The following PKDCC variants were observed in gnomAD, a reference collection of about 807,000 sequenced individuals.
The protein encoded by PKDCC is extracellular tyrosine-protein kinase PKDCC.
Under a neutral mutation model 44.7 loss-of-function variants are expected in PKDCC, and 35 were observed. That is an observed-to-expected ratio of 0.78 (90% CI 0.60 to 1.04). The LOEUF (loss-of-function observed/expected upper bound fraction) is 1.04. Among genes scored for constraint, PKDCC ranks in the 50% least tolerant of loss-of-function variants. PKDCC has a pLI of 0.00. For missense variants in PKDCC, 738 were observed against 672.7 expected (o/e 1.10, Z -1.07); for synonymous variants, 353 against 303.3 (o/e 1.16, Z -1.70).
In PKDCC at chr2:42,048,664, C is replaced by T. The variant is rs761050306; in HGVS notation, c.465C>T (p.Val155=). The change falls in exon 1 of 7, where the codon GTC becomes GTT. Residue 155 remains valine, a synonymous_variant. Coordinates refer to ENST00000294964, the MANE Select transcript of PKDCC (RefSeq NM_138370.3). This position sits in a 1 kb window ranked among gnomAD's most constrained non-coding sequence, Gnocchi z 6.2. The part of the protein sequence containing the change: ...GSGYTKAVYR[V]RLPGGAAVAL... The stretch of plus-strand genomic sequence containing the variant: ...GCTACACCAAGGCCGTGTACCGGGT[C>T]CGCCTGCCCGGCGGTGCCGCGGTGG... 1.7e-5 allele frequency: 27 copies of T among 1,546,202 alleles called. No individual in the cohort carries two copies. Among genetic ancestry groups the T allele is most frequent in the South Asian group, 1.2e-4 (10 of 84,012 alleles).
In PKDCC at chr2:42,048,466, C is replaced by A. The variant is rs1390528717; in HGVS notation, c.267C>A (p.Asp89Glu). 2 of 1,067,080 alleles carry A rather than the reference C, an allele frequency of 1.9e-6. No homozygotes were observed. The highest frequency in any genetic ancestry group is 2.3e-6 in the Non-Finnish European group (2 of 885,524). 66.1% of individuals were successfully genotyped at this position (1,067,080 alleles called of 1,614,324 possible). Residue 89 changes from aspartate (D) to glutamate (E), a missense_variant, in exon 1 of 7, where the codon GAC (aspartate) becomes GAA (glutamate). Asp to Glu is a conservative substitution (Grantham distance 45). Transcript: ENST00000294964. The surrounding 1 kb of genome is among the most constrained non-coding windows in gnomAD (Gnocchi z 6.2). ...GGCCGGAGCGGCGGCGCCTGATGGACCTGGCTCCGGGCGGGCCCGGCCTGC... is the reference window on the plus strand; with the variant it reads ...GGCCGGAGCGGCGGCGCCTGATGGAACTGGCTCCGGGCGGGCCCGGCCTGC... The part of the protein sequence containing the change: ...AGRPERRRLM[D>E]LAPGGPGLPR...
Position 42,052,432 on chromosome 2 carries a change from A to G in PKDCC, c.640-807A>G, listed in dbSNP as rs367628041. On this transcript the variant is annotated intron_variant, in intron 1 of 6. Transcript: ENST00000294964. This position sits in a 1 kb window ranked among gnomAD's most constrained non-coding sequence, Gnocchi z 4.3. ...TGTCCAACCGTATGCTCGCTTGTGTATTACCAAACAGCATTCTTAGAAAAA... is the reference window on the plus strand; with the variant it reads ...TGTCCAACCGTATGCTCGCTTGTGTGTTACCAAACAGCATTCTTAGAAAAA... Among the ~76,000 whole-genome samples, 36 of 152,290 alleles carry G rather than the reference A, an allele frequency of 2.4e-4. No homozygotes were observed. The highest frequency in any genetic ancestry group is 7.9e-4 in the African/African-American group (33 of 41,536).
rs539128716 is a variant in PKDCC, at chr2:42,051,973, C to T, written c.640-1266C>T. Among the ~76,000 whole-genome samples the T allele has an allele frequency of 1.3e-5, 2 of 152,120 alleles. No homozygotes were observed. The highest frequency in any genetic ancestry group is 4.1e-4 in the South Asian group (2 of 4,824). On this transcript the variant is annotated intron_variant, in intron 1 of 6. Coordinates refer to ENST00000294964, the MANE Select transcript of PKDCC (RefSeq NM_138370.3). This position sits in a 1 kb window ranked among gnomAD's most constrained non-coding sequence, Gnocchi z 4.2. ...CAACTCAGCCTTCGTGTTTCTACCC[C>T]ACAGGGTGCTGGTTGTTTTGAGCAC... is the stretch of plus-strand genomic sequence containing the variant.
intron 5 of PKDCC, among the ~76,000 whole-genome samples, chr2:42,056,154 C>T (rs1345807288): frequency 6.6e-6 from 1 of 151,714 alleles, no homozygotes; most frequent in Non-Finnish European, 1.5e-5. Context: ...AAATCACAGT[C>T]AGCCCTGGAC....
At chr2:42,053,424 C>G in intron 2 of PKDCC, 63 bp downstream of exon 2, 1 of 1,538,794 alleles carries the variant, frequency 6.5e-7, no homozygotes, top group Non-Finnish European at 8.7e-7. Context: ...CTTAGAAGGC[C>G]AGCCCTCCAA....
At chr2:42,057,470 C>T (rs1668076511) in intron 6 of PKDCC, 76 bp downstream of exon 6, 4 of 1,586,244 alleles carry the variant, frequency 2.5e-6, no homozygotes, top group Non-Finnish European at 2.6e-6. Flanking sequence ...GATCCCCCAT[C>T]GGAAGTCAGA....
In PKDCC at chr2:42,048,725, G is replaced by A; in HGVS notation, c.526G>A (p.Gly176Ser). The change falls in exon 1 of 7, where the codon GGC becomes AGC. Residue 176 changes from glycine (G) to serine (S), a missense_variant. By Grantham distance (56) the Gly-to-Ser change is moderately conservative. Coordinates refer to ENST00000294964, the MANE Select transcript of PKDCC (RefSeq NM_138370.3). The surrounding 1 kb of genome is among the most constrained non-coding windows in gnomAD (Gnocchi z 6.2). The part of the protein sequence containing the change: ...KAVDFSGHDL[G>S]SCVREFGVRR... The stretch of plus-strand genomic sequence containing the variant: ...GGTGGACTTTAGCGGCCACGATCTG[G>A]GCAGCTGCGTGCGCGAGTTCGGGGT... The A allele has an allele frequency of 4.5e-6, 7 of 1,564,986 alleles. No homozygotes were observed. Among genetic ancestry groups the A allele is most frequent in the Non-Finnish European group, 6.1e-6 (7 of 1,155,828 alleles).
chr2:42,054,754 G>T lies in PKDCC; in HGVS notation c.1035-187G>T. On this transcript the variant is annotated intron_variant, in intron 3 of 6. Coordinates refer to ENST00000294964, the MANE Select transcript of PKDCC (RefSeq NM_138370.3). The surrounding 1 kb of genome is among the most constrained non-coding windows in gnomAD (Gnocchi z 6.1). ...CTGGTTTCGGTTAGTATGAAGTTAG[G>T]TGTGGTGTTAGCATGTGCCCAGAAC... 1.5e-6 allele frequency: 1 copy of T among 670,496 alleles called. No individual in the cohort carries two copies. Among genetic ancestry groups the T allele is most frequent in the Non-Finnish European group, 2.7e-6 (1 of 372,074 alleles). 41.5% of individuals were successfully genotyped at this position (670,496 alleles called of 1,614,324 possible). A position where few individuals can be genotyped will look rare whatever the true frequency, so the allele number is the denominator to read the frequency against.
rs1219561448 is a variant in PKDCC, at chr2:42,051,893, C to T, written c.640-1346C>T. ...ATGATGGTATGAGGGTGACAGTGCA[C>T]AGGGATATCCACCCCTCCACCGCAT... On this transcript the variant is annotated intron_variant, in intron 1 of 6. Transcript: ENST00000294964. This position sits in a 1 kb window ranked among gnomAD's most constrained non-coding sequence, Gnocchi z 4.2. Among the ~76,000 whole-genome samples, 1 of 152,074 alleles carries T rather than the reference C, an allele frequency of 6.6e-6. No homozygotes were observed. Among genetic ancestry groups the T allele is most frequent in the Non-Finnish European group, 1.5e-5 (1 of 67,998 alleles).
chr2:42,053,118 C>G (rs555697066), intron 1 of PKDCC, 121 bp from the exon 2 acceptor site: 1 of 1,174,622 alleles, frequency 8.5e-7, no homozygotes, highest in Admixed American at 2.4e-5. Flanking sequence ...CTCTTCTGGC[C>G]TGAGCTGAAG....
Position 42,054,673 on chromosome 2 carries a change from G to A in PKDCC, c.1035-268G>A, listed in dbSNP as rs1301534945. Reference sequence around the variant, plus strand: ...GCTCCGACACCGGGAGTCAGTCAGGGGATAATGTGGGGCTGGGAGGTGGGC... The same window carrying A: ...GCTCCGACACCGGGAGTCAGTCAGGAGATAATGTGGGGCTGGGAGGTGGGC... On this transcript the variant is annotated intron_variant, in intron 3 of 6. Coordinates refer to ENST00000294964, the MANE Select transcript of PKDCC (RefSeq NM_138370.3). This position sits in a 1 kb window ranked among gnomAD's most constrained non-coding sequence, Gnocchi z 6.1. The A allele has an allele frequency of 1.8e-6, 1 of 566,262 alleles. No individual in the cohort carries two copies. The highest frequency in any genetic ancestry group is 1.9e-5 in the African/African-American group (1 of 53,302). The allele number at this position is 566,262 out of a possible 1,614,324, so 35.1% of individuals were successfully genotyped here.
rs1667962949 is a variant in PKDCC at position 42,051,283 on chromosome 2, T to C, written c.640-1956T>C. Among the ~76,000 whole-genome samples the C allele has an allele frequency of 1.4e-5, 2 of 148,014 alleles. No individual in the cohort carries two copies. The highest frequency in any genetic ancestry group is 5.0e-5 in the African/African-American group (2 of 40,256). Reference sequence around the variant, plus strand: ...ACTCCCTCACGTGACTTGACTCCTCTATAGCCCAGGGCCAAAGGGCACAAG... The same window carrying C: ...ACTCCCTCACGTGACTTGACTCCTCCATAGCCCAGGGCCAAAGGGCACAAG... On this transcript the variant is annotated intron_variant, in intron 1 of 6. Coordinates refer to ENST00000294964, the MANE Select transcript of PKDCC (RefSeq NM_138370.3). The surrounding 1 kb of genome is among the most constrained non-coding windows in gnomAD (Gnocchi z 4.2).
Position 42,048,918 on chromosome 2 carries a change from C to T in PKDCC, c.639+80C>T, listed in dbSNP as rs1434588480. ...TGTCAACCTGGCTGGAAGAGAACCC[C>T]TTGATCTGGAGTGCCAGTGACTGCA... On this transcript the variant is annotated intron_variant, in intron 1 of 6. Transcript: ENST00000294964. This position sits in a 1 kb window ranked among gnomAD's most constrained non-coding sequence, Gnocchi z 6.2. 1 of 1,351,852 alleles carries T rather than the reference C, an allele frequency of 7.4e-7. No homozygotes were observed. Among genetic ancestry groups the T allele is most frequent in the Non-Finnish European group, 9.5e-7 (1 of 1,047,620 alleles). The allele number at this position is 1,351,852 out of a possible 1,614,324, so 83.7% of individuals were successfully genotyped here. A position where few individuals can be genotyped will look rare whatever the true frequency, so the allele number is the denominator to read the frequency against.
Position 42,053,314 on chromosome 2 carries a change from G to C in PKDCC, c.715G>C (p.Val239Leu), listed in dbSNP as rs776496646. 50 of 1,613,716 alleles carry C rather than the reference G, an allele frequency of 3.1e-5. No homozygotes were observed. Among genetic ancestry groups the C allele is most frequent in the Non-Finnish European group, 4.2e-5 (49 of 1,179,912 alleles). ...LTTITELGAPVEMIQLLQTSW... is the reference protein window; with the variant it reads ...LTTITELGAPLEMIQLLQTSW... ...CACCATCACGGAGCTGGGCGCCCCTGTAGAAATGATCCAGCTGCTGCAAAC... is the reference window on the plus strand; with the variant it reads ...CACCATCACGGAGCTGGGCGCCCCTCTAGAAATGATCCAGCTGCTGCAAAC... The change falls in exon 2 of 7, where the codon GTA becomes CTA. Residue 239 changes from valine (V) to leucine (L), a missense_variant. Physicochemically the swap from Val to Leu is conservative, Grantham distance 32 (BLOSUM62 1). Transcript: ENST00000294964.
At chr2:42,056,618 G>T (rs1338775754) in intron 5 of PKDCC, among the ~76,000 whole-genome samples, 3 of 152,068 alleles carry the variant, frequency 2.0e-5, no homozygotes, top group African/African-American at 7.2e-5. Flanking sequence ...TCTTCATTTG[G>T]TTGGGCATGG....
In PKDCC at chr2:42,051,059, C is replaced by T. The variant is rs1452597781; in HGVS notation, c.640-2180C>T. Among the ~76,000 whole-genome samples, 1 of 152,072 alleles carries T rather than the reference C, an allele frequency of 6.6e-6. No homozygotes were observed. Among genetic ancestry groups the T allele is most frequent in the Non-Finnish European group, 1.5e-5 (1 of 67,994 alleles). Reference sequence around the variant, plus strand: ...GAGTTAGAGAACATTTCTAGAGTTCCTAGTGGTGCAGGCTCACCACCCTCC... The same window carrying T: ...GAGTTAGAGAACATTTCTAGAGTTCTTAGTGGTGCAGGCTCACCACCCTCC... On this transcript the variant is annotated intron_variant, in intron 1 of 6. Coordinates refer to ENST00000294964, the MANE Select transcript of PKDCC (RefSeq NM_138370.3). The surrounding 1 kb of genome is among the most constrained non-coding windows in gnomAD (Gnocchi z 4.2).
At position 42,054,741 on chromosome 2, in the gene PKDCC, A is replaced by T; in HGVS notation, c.1035-200A>T. On this transcript the variant is annotated intron_variant, in intron 3 of 6. Transcript: ENST00000294964. The surrounding 1 kb of genome is among the most constrained non-coding windows in gnomAD (Gnocchi z 6.1). The stretch of plus-strand genomic sequence containing the variant: ...GGGAAGCAGGCCCCTGGTTTCGGTT[A>T]GTATGAAGTTAGGTGTGGTGTTAGC... 1.6e-6 allele frequency: 1 copy of T among 636,544 alleles called. No individual in the cohort carries two copies. The highest frequency in any genetic ancestry group is 1.9e-5 in the South Asian group (1 of 52,300). 39.4% of individuals were successfully genotyped at this position (636,544 alleles called of 1,614,324 possible).
In PKDCC at chr2:42,054,340, G is replaced by A. The variant is rs1270233802; in HGVS notation, c.1034+33G>A. 7 of 1,569,426 alleles carry A rather than the reference G, an allele frequency of 4.5e-6. No homozygotes were observed. Among genetic ancestry groups the A allele is most frequent in the Non-Finnish European group, 6.1e-6 (7 of 1,154,746 alleles). On this transcript the variant is annotated intron_variant, in intron 3 of 6. Coordinates refer to ENST00000294964, the MANE Select transcript of PKDCC (RefSeq NM_138370.3). The surrounding 1 kb of genome is among the most constrained non-coding windows in gnomAD (Gnocchi z 6.1). ...CCACCCCTGACTCGGGAACTCCATC[G>A]AAGGAGAATGGGCCAGGAGGGCATG...
chr2:42,054,053 C>A lies in PKDCC; in HGVS notation c.780C>A (p.Gly260=), dbSNP rs140978517. The change falls in exon 3 of 7, where the codon GGC becomes GGA. Residue 260 remains glycine (G), a synonymous_variant. Coordinates refer to ENST00000294964, the MANE Select transcript of PKDCC (RefSeq NM_138370.3). The surrounding 1 kb of genome is among the most constrained non-coding windows in gnomAD (Gnocchi z 6.1). ...EDRFRICLSL[G]RLLHHLAHSP... ...CCCCTCAGATCTGCCTGAGCCTGGG[C>A]CGCCTCCTCCACCACCTGGCCCACT... is the stretch of plus-strand genomic sequence containing the variant. 8.1e-6 allele frequency: 13 copies of A among 1,611,542 alleles called. No individual in the cohort carries two copies. The highest frequency in any genetic ancestry group is 2.2e-5 in the East Asian group (1 of 44,882).
Sources: allele counts gnomAD v4.1 joint callset (sites outside exome capture counted in the v4.1 genomes callset), GRCh38; gene constraint gnomAD v4.1.1; non-coding constraint Gnocchi (gnomAD v3.1); transcripts MANE v1.5; gene names NCBI Gene and HGNC (gene_info 2026-07-23, HGNC 2026-07-21).